HECTD4: variants seen among roughly 807,000 people sequenced by gnomAD.
The protein encoded by HECTD4 is probable E3 ubiquitin-protein ligase HECTD4.
HECTD4 carries 114 observed loss-of-function variants against 471.5 expected under a neutral mutation model. The ratio of observed to expected loss-of-function variants is 0.24; its 90% CI spans 0.21 to 0.28. The LOEUF (loss-of-function observed/expected upper bound fraction) is 0.28. Ranked by LOEUF, HECTD4 falls within the 10% of genes least tolerant of loss-of-function variation. HECTD4 has a pLI of 1.00. For missense variants in HECTD4, 3,866 were observed against 5,651.5 expected, an observed-to-expected ratio of 0.68 and a Z score of 10.13; for synonymous variants, 2,012 against 2,256.0, an observed-to-expected ratio of 0.89 and a Z score of 3.07.
At chr12:112,325,995 C>T (rs980947067) in intron 1 of HECTD4, among the ~76,000 whole-genome samples, 2 of 151,992 alleles carry the variant, frequency 1.3e-5, no homozygotes, top group Non-Finnish European at 2.9e-5. Flanking sequence ...CGCTATGTTG[C>T]CCAGGCTAGT....
At chr12:112,348,357 T>C (rs1179072716) in intron 1 of HECTD4, among the ~76,000 whole-genome samples, 1 of 152,232 alleles carries the variant, frequency 6.6e-6, no homozygotes, top group East Asian at 1.9e-4. Context: ...GACTCTACTA[T>C]GCCCTTGAAA....
Position 112,179,237 on chromosome 12 carries a change from G to A in HECTD4, c.11148C>T (p.Leu3716=), listed in dbSNP as rs368950552. 52 of 1,613,768 alleles carry A rather than the reference G, an allele frequency of 3.2e-5. No homozygotes were observed. Among genetic ancestry groups the A allele is most frequent in the Non-Finnish European group, 4.0e-5 (47 of 1,179,870 alleles). The change falls in exon 63 of 76, where the codon CTC becomes CTT. Residue 3716 remains leucine, a synonymous_variant. Coordinates refer to ENST00000682272, the MANE Select transcript of HECTD4 (RefSeq NM_001388303.1). This position sits in a 1 kb window ranked among gnomAD's most constrained non-coding sequence, Gnocchi z 4.3. ...GGACATTGGTGAAGAAGAGGTGGAGGAGGTTGCCTGGGGTCTGGGAGTTGA... is the reference window on the plus strand; with the variant it reads ...GGACATTGGTGAAGAAGAGGTGGAGAAGGTTGCCTGGGGTCTGGGAGTTGA... The part of the protein sequence containing the change: ...EQINSQTPGN[L]LHLFFTNVRP...
At chr12:112,231,000 T>C in intron 39 of HECTD4, 178 bp from the exon 40 acceptor site, 1 of 595,014 alleles carries the variant, frequency 1.7e-6, no homozygotes, top group African/African-American at 1.9e-5. Context: ...CTGTGTCATA[T>C]TCTTTGTGGT....
chr12:112,240,598 C>T (rs2033617539), intron 32 of HECTD4, among the ~76,000 whole-genome samples: 1 of 151,828 alleles, frequency 6.6e-6, no homozygotes, highest in South Asian at 2.1e-4. Context: ...CACAGATGCA[C>T]ACCACCACAT....
intron 49 of HECTD4, among the ~76,000 whole-genome samples, chr12:112,211,608 C>A (rs1431608303): frequency 9.3e-5 from 14 of 151,148 alleles, no homozygotes; most frequent in Admixed American, 8.6e-4. Flanking sequence ...TAATGAGCTA[C>A]CCAAGGGAAG....
intron 28 of HECTD4, 90 bp downstream of exon 28, chr12:112,247,372 T>A: frequency 1.4e-6 from 1 of 711,148 alleles, no homozygotes. Context: ...TCACAACATT[T>A]AAAAATATAT....
chr12:112,170,312 G>A, intron 69 of HECTD4, 21 bp downstream of exon 69: 1 of 1,612,174 alleles, frequency 6.2e-7, no homozygotes, highest in South Asian at 1.1e-5. Context: ...TGCATTTTTT[G>A]CTCTCCGCAG....
chr12:112,245,549 G>A (rs1396800840), intron 29 of HECTD4, among the ~76,000 whole-genome samples: 5 of 152,134 alleles, frequency 3.3e-5, no homozygotes, highest in Non-Finnish European at 7.4e-5. Context: ...AGTTCTCAGG[G>A]AGAACCTGTA....
rs371307712 is a variant in HECTD4 at position 112,365,582 on chromosome 12, G to A, written c.177+16370C>T. Among the ~76,000 whole-genome samples, 9 of 152,134 alleles carry A rather than the reference G, an allele frequency of 5.9e-5. No homozygotes were observed. The East Asian group carries it at 1.7e-3, about 29-fold the overall frequency. ...CTACCAACTGGACAGTGCAGTTCTG[G>A]AGGCTATTTAAGTAAAACTCCTGAA... On this transcript the variant is annotated intron_variant, in intron 1 of 75. Coordinates refer to ENST00000682272, the MANE Select transcript of HECTD4 (RefSeq NM_001388303.1).
chr12:112,346,200 T>C (rs541138601), intron 1 of HECTD4, among the ~76,000 whole-genome samples: 1 of 152,272 alleles, frequency 6.6e-6, no homozygotes, highest in Admixed American at 6.5e-5. Flanking sequence ...AAAGGCAGTC[T>C]CTAAACTCAG....
intron 3 of HECTD4, among the ~76,000 whole-genome samples, chr12:112,313,475 C>T (rs1342797495): frequency 7.3e-6 from 1 of 137,364 alleles, no homozygotes; most frequent in Admixed American, 7.6e-5. Context: ...CCACAATGCC[C>T]GGCTAATTTT....
intron 47 of HECTD4, among the ~76,000 whole-genome samples, 180 bp from the exon 48 acceptor site, chr12:112,216,551 G>C (rs1478518624): frequency 6.6e-6 from 1 of 152,072 alleles, no homozygotes; most frequent in Non-Finnish European, 1.5e-5. Flanking sequence ...CTAGAATAAA[G>C]GGTTATAGAA....
At chr12:112,369,331 C>T (rs1394869493) in intron 1 of HECTD4, among the ~76,000 whole-genome samples, 1 of 150,928 alleles carries the variant, frequency 6.6e-6, no homozygotes, top group Non-Finnish European at 1.5e-5. Flanking sequence ...TTAAGCAAAC[C>T]TAGGATTTCT....
At chr12:112,214,658 C>A (rs2032862570) in intron 48 of HECTD4, among the ~76,000 whole-genome samples, 1 of 152,160 alleles carries the variant, frequency 6.6e-6, no homozygotes, top group South Asian at 2.1e-4. Flanking sequence ...ACAACAAATA[C>A]AGCAACAAGG....
intron 47 of HECTD4, 26 bp from the exon 48 acceptor site, chr12:112,216,397 T>G (rs1593939572): frequency 6.8e-7 from 1 of 1,473,748 alleles, no homozygotes. Context: ...AGAAGGGAGG[T>G]CAAAGACAAG....
At chr12:112,293,415 G>A (rs548898247) in intron 7 of HECTD4, among the ~76,000 whole-genome samples, 41 of 150,604 alleles carry the variant, frequency 2.7e-4, no homozygotes, top group Middle Eastern at 3.4e-3. Context: ...GGTGGCTTGC[G>A]CCTGTAATCT....
chr12:112,228,009 T>C lies in HECTD4; in HGVS notation c.6854+80A>G, dbSNP rs2033284992. The stretch of plus-strand genomic sequence containing the variant: ...AGCTGTGGATTCACTAAGTTGGGAG[T>C]GGAGGGGCCCACCAAGGATCCCTTC... On this transcript the variant is annotated intron_variant, in intron 43 of 75. Coordinates refer to ENST00000682272, the MANE Select transcript of HECTD4 (RefSeq NM_001388303.1). This position sits in a 1 kb window ranked among gnomAD's most constrained non-coding sequence, Gnocchi z 4.9. The C allele has an allele frequency of 2.3e-6, 3 of 1,313,238 alleles. No individual in the cohort carries two copies. Among genetic ancestry groups the C allele is most frequent in the South Asian group, 3.3e-5 (2 of 60,818 alleles). The allele number at this position is 1,313,238 out of a possible 1,614,324, so 81.3% of individuals were successfully genotyped here.
At position 112,259,220 on chromosome 12, in the gene HECTD4, G is replaced by T. The variant is rs1384237413; in HGVS notation, c.2919C>A (p.His973Gln). Reference protein sequence around the residue: ...EQVTKATMLGHLLPVLLTSLM... With the variant: ...EQVTKATMLGQLLPVLLTSLM... ...AGGAGGTCAGTAACACTGGAAGAAG[G>T]TGACCAAGCATAGTAGCCTTAGTAA... Residue 973 changes from histidine (H) to glutamine (Q), a missense_variant, in exon 19 of 76, where the codon CAC (histidine) becomes CAA (glutamine). Transcript: ENST00000682272. The T allele has an allele frequency of 6.2e-7, 1 of 1,613,902 alleles. No homozygotes were observed. Among genetic ancestry groups the T allele is most frequent in the African/African-American group, 1.3e-5 (1 of 75,046 alleles).
chr12:112,356,450 GT>G (rs766410047), intron 1 of HECTD4, among the ~76,000 whole-genome samples: 25 of 151,714 alleles, frequency 1.6e-4, no homozygotes, highest in Admixed American at 3.9e-4. Flanking sequence ...TTTGTTTTTT[GT>G]TTTTAGAAAG....
Sources: gnomAD v4.1 joint callset for allele counts (sites outside exome capture counted in the v4.1 genomes callset) on GRCh38, gnomAD v4.1.1 for gene constraint, Gnocchi (gnomAD v3.1) non-coding constraint, MANE v1.5 for transcripts, NCBI Gene and HGNC (gene_info 2026-07-23, HGNC 2026-07-21) for gene names.